DOP1A: variants seen among roughly 807,000 people sequenced by gnomAD.
The protein encoded by DOP1A is DOP1 leucine zipper like protein A.
DOP1A carries 90 observed loss-of-function variants against 267.6 expected under a neutral mutation model. The ratio of observed to expected loss-of-function variants is 0.34; its 90% confidence interval spans 0.28 to 0.40. The LOEUF is 0.40. DOP1A is among the 10% of genes least tolerant of loss of function. The pLI is 1.00. For synonymous variants in DOP1A, 932 were observed against 999.1 expected (o/e 0.93, Z 1.27); for missense variants, 2,437 against 2,900.4 (o/e 0.84, Z 3.67).
intron 11 of DOP1A, 65 bp from the exon 12 acceptor site, chr6:83,122,798 A>G: frequency 1.7e-5 from 21 of 1,271,490 alleles, no homozygotes; most frequent in South Asian, 3.6e-5. Context: ...ACTGCACTCA[A>G]ATTTAAATTT....
intron 1 of DOP1A, among the ~76,000 whole-genome samples, chr6:83,086,276 T>C (rs1415107234): frequency 6.6e-6 from 1 of 152,208 alleles, no homozygotes; most frequent in South Asian, 2.1e-4. Flanking sequence ...TGTATTCTTA[T>C]AATGAAATAA....
chr6:83,169,614 A>G (rs1412481145), downstream of DOP1A: 2 of 454,056 alleles, frequency 4.4e-6, no homozygotes, highest in African/African-American at 4.0e-5. Flanking sequence ...TTAATCCACA[A>G]TTGGCCTAAC....
At chr6:83,087,420 CA>C (rs1038663884) in intron 1 of DOP1A, among the ~76,000 whole-genome samples, 3 of 150,018 alleles carry the variant, frequency 2.0e-5, no homozygotes, top group Admixed American at 6.6e-5. Flanking sequence ...AGGCTGAAAA[CA>C]AAAAAAAACA....
At chr6:83,103,069 A>G (rs775476292) in intron 4 of DOP1A, among the ~76,000 whole-genome samples, 5 of 152,084 alleles carry the variant, frequency 3.3e-5, no homozygotes, top group African/African-American at 7.2e-5. Context: ...ATTCTATTCT[A>G]TTGTGATGTG....
At chr6:83,086,677 T>C (rs1769308598) in intron 1 of DOP1A, among the ~76,000 whole-genome samples, 1 of 152,190 alleles carries the variant, frequency 6.6e-6, no homozygotes, top group Non-Finnish European at 1.5e-5. Flanking sequence ...AATGAGGGGC[T>C]ACAGAAGTGA....
At chr6:83,112,382 A>G (rs969902351) in intron 6 of DOP1A, among the ~76,000 whole-genome samples, 3 of 152,072 alleles carry the variant, frequency 2.0e-5, no homozygotes, top group Admixed American at 6.6e-5. Context: ...ATATATATAT[A>G]TAAAGCTAAG....
intron 26 of DOP1A, among the ~76,000 whole-genome samples, chr6:83,147,535 T>C (rs1476919881): frequency 3.3e-5 from 5 of 152,178 alleles, no homozygotes; most frequent in African/African-American, 1.2e-4. Context: ...ACTGAATCCA[T>C]TATTTTGGTA....
Position 83,129,038 on chromosome 6 carries a change from A to G in DOP1A, c.1871A>G (p.Gln624Arg). The change falls in exon 16 of 39, where the codon CAG (glutamine) becomes CGG (arginine). Residue 624 changes from glutamine to arginine, a missense_variant. By Grantham distance (43) the Gln-to-Arg change is conservative. This residue lies in a region of DOP1A where 498 missense variants were observed against 513.5 expected (regional missense o/e 0.97). Transcript: ENST00000349129. ...DDIDRELSEG[Q>R]GAAAIPIGST... ...ATTGACAGAGAACTGAGTGAGGGCCAGGGGGCAGCTGCCATCCCAATTGGT... is the reference window on the plus strand; with the variant it reads ...ATTGACAGAGAACTGAGTGAGGGCCGGGGGGCAGCTGCCATCCCAATTGGT... The G allele has an allele frequency of 4.3e-6, 7 of 1,613,880 alleles. No individual in the cohort carries two copies. The highest frequency in any genetic ancestry group is 5.9e-6 in the Non-Finnish European group (7 of 1,179,878).
Position 83,168,426 on chromosome 6 carries a change from G to C in DOP1A, c.*259G>C. The C allele has an allele frequency of 8.6e-7, 1 of 1,163,022 alleles. No homozygotes were observed. The allele number at this position is 1,163,022 out of a possible 1,614,324, so 72.0% of individuals were successfully genotyped here. ...TAAAGTCCATTGTTTTTATTGTCCT[G>C]AGTTGTCTTAAACCTGCAAAATATA... On this transcript the variant is annotated 3_prime_UTR_variant, in exon 39 of 39. Coordinates refer to ENST00000349129, the MANE Select transcript of DOP1A (RefSeq NM_015018.4).
At chr6:83,152,866 C>T (rs1222174174) in intron 30 of DOP1A, among the ~76,000 whole-genome samples, 1 of 152,104 alleles carries the variant, frequency 6.6e-6, no homozygotes, top group Non-Finnish European at 1.5e-5. Flanking sequence ...AATCCGCCCA[C>T]CTCGGCTTCC....
At chr6:83,118,487 G>A (rs1188128769) in intron 7 of DOP1A, among the ~76,000 whole-genome samples, 2 of 152,126 alleles carry the variant, frequency 1.3e-5, no homozygotes, top group African/African-American at 4.8e-5. Flanking sequence ...AGAATAAAGA[G>A]TGGATGAAGA....
chr6:83,168,147 G>C lies in DOP1A; in HGVS notation c.7378G>C (p.Glu2460Gln), dbSNP rs1220882320. 1 of 1,612,274 alleles carries C rather than the reference G, an allele frequency of 6.2e-7. No homozygotes were observed. Among genetic ancestry groups the C allele is most frequent in the Non-Finnish European group, 8.5e-7 (1 of 1,179,510 alleles). ...IEEMVEKDFL[E>Q]GMIKT is the part of the protein sequence containing the mutation. ...AGAGATGGTAGAAAAAGATTTTCTG[G>C]AAGGGATGATAAAAACTTGAGCACC... is the stretch of plus-strand genomic sequence containing the variant. Residue 2460 changes from glutamate (E) to glutamine (Q), a missense_variant, in exon 39 of 39, where the codon GAA becomes CAA. Around this residue, in one of 9 missense-constraint regions of DOP1A, gnomAD observed 197 missense variants for 246.5 expected, o/e 0.80. Coordinates refer to ENST00000349129, the MANE Select transcript of DOP1A (RefSeq NM_015018.4).
At chr6:83,109,357 G>T (rs944437910) in intron 5 of DOP1A, among the ~76,000 whole-genome samples, 1 of 152,152 alleles carries the variant, frequency 6.6e-6, no homozygotes, top group Admixed American at 6.5e-5. Context: ...TTTTCTTAGT[G>T]TCTGAACTTT....
chr6:83,118,168 T>C (rs1412079464), intron 7 of DOP1A, among the ~76,000 whole-genome samples: 1 of 152,158 alleles, frequency 6.6e-6, no homozygotes, highest in African/African-American at 2.4e-5. Flanking sequence ...ATTCCAAGAT[T>C]ATATTGTAAA....
chr6:83,124,362 T>G (rs561287677), intron 12 of DOP1A, among the ~76,000 whole-genome samples: 1 of 152,052 alleles, frequency 6.6e-6, no homozygotes, highest in East Asian at 1.9e-4. Flanking sequence ...GAGCCTATTT[T>G]AAGACCCAAG....
chr6:83,117,181 TTCTC>T (rs1230795689), intron 7 of DOP1A, among the ~76,000 whole-genome samples: 1 of 144,902 alleles, frequency 6.9e-6, no homozygotes, highest in African/African-American at 2.5e-5. Flanking sequence ...GACAGAGTCT[TTCTC>T]TGTCACCTAG....
intron 5 of DOP1A, 76 bp from the exon 6 acceptor site, chr6:83,110,049 T>C (rs1774288951): frequency 6.9e-7 from 1 of 1,451,056 alleles, no homozygotes; most frequent in African/African-American, 1.4e-5. Flanking sequence ...GCATACATTT[T>C]TGGAAAAGAA....
chr6:83,148,304 C>T (rs893740296), intron 26 of DOP1A, among the ~76,000 whole-genome samples: 1 of 152,046 alleles, frequency 6.6e-6, no homozygotes, highest in Admixed American at 6.5e-5. Context: ...CCCAGCTACT[C>T]AGGAGGCTGA....
At chr6:83,104,272 CT>C (rs1773157750) in intron 4 of DOP1A, among the ~76,000 whole-genome samples, 3 of 152,040 alleles carry the variant, frequency 2.0e-5, no homozygotes, top group South Asian at 4.1e-4. Flanking sequence ...AATTTCATAT[CT>C]TTTTTTGCCT....
Sources: allele counts gnomAD v4.1 joint callset (sites outside exome capture counted in the v4.1 genomes callset), GRCh38; gene constraint gnomAD v4.1.1; regional missense constraint gnomAD v4.1.1; transcripts MANE v1.5; gene names NCBI Gene and HGNC (gene_info 2026-07-23, HGNC 2026-07-21).